LRFN5: variants seen among roughly 807,000 people sequenced by gnomAD.
LRFN5 encodes the protein leucine-rich repeat and fibronectin type-III domain-containing protein 5.
A neutral mutation model predicts 45.6 loss-of-function variants in LRFN5; 24 were observed. The ratio of observed to expected loss-of-function variants is 0.53; its 90% CI spans 0.38 to 0.74. The LOEUF is 0.74. Among genes scored for constraint, LRFN5 ranks in the 30% least tolerant of loss-of-function variants. LRFN5 has a pLI of 0.00. For synonymous variants in LRFN5, 340 were observed against 313.8 expected, an observed-to-expected ratio of 1.08 and a Z score of -0.88; for missense variants, 776 against 861.5, an observed-to-expected ratio of 0.90 and a Z score of 1.24.
intron 2 of LRFN5, among the ~76,000 whole-genome samples, chr14:41,872,696 C>T (rs929597626): frequency 2.0e-5 from 3 of 152,096 alleles, no homozygotes; most frequent in Admixed American, 6.5e-5. Context: ...CAGTTATCTC[C>T]GTGTAAGCAG....
chr14:41,803,061 C>A (rs527904524), intron 2 of LRFN5, among the ~76,000 whole-genome samples: 41 of 152,014 alleles, frequency 2.7e-4, no homozygotes, highest in Non-Finnish European at 4.7e-4. Context: ...TTGACCTATA[C>A]CTCCCAAAAC....
chr14:41,751,628 A>C (rs1885135945), intron 1 of LRFN5, among the ~76,000 whole-genome samples: 1 of 152,124 alleles, frequency 6.6e-6, no homozygotes, highest in Admixed American at 6.5e-5. Flanking sequence ...CTGAGGATGC[A>C]GAGAAGTCAG....
chr14:41,803,526 T>G (rs1031462256), intron 2 of LRFN5, among the ~76,000 whole-genome samples: 2 of 151,812 alleles, frequency 1.3e-5, no homozygotes, highest in African/African-American at 4.8e-5. Context: ...TAGTTTTTTT[T>G]TTTAATTTTG....
chr14:41,830,750 G>C (rs1888450135), intron 2 of LRFN5, among the ~76,000 whole-genome samples: 1 of 152,112 alleles, frequency 6.6e-6, no homozygotes, highest in Admixed American at 6.6e-5. Flanking sequence ...TGATAGAGAT[G>C]TGTGTGAAAG....
intron 1 of LRFN5, among the ~76,000 whole-genome samples, chr14:41,624,023 G>A (rs1594558920): frequency 6.6e-6 from 1 of 152,032 alleles, no homozygotes; most frequent in Non-Finnish European, 1.5e-5. Context: ...AATTACATGT[G>A]CAGAAATAAT....
chr14:41,791,831 C>T (rs949806657), intron 2 of LRFN5, among the ~76,000 whole-genome samples: 1 of 152,040 alleles, frequency 6.6e-6, no homozygotes, highest in African/African-American at 2.4e-5. Flanking sequence ...AAAATTTATG[C>T]TAGATAAGAC....
intron 1 of LRFN5, among the ~76,000 whole-genome samples, chr14:41,713,167 G>T (rs1201787493): frequency 1.3e-5 from 2 of 152,080 alleles, no homozygotes; most frequent in Non-Finnish European, 1.5e-5. Flanking sequence ...GAATGTGCAT[G>T]TGAAAATATT....
chr14:41,871,754 A>T (rs2139119524), intron 2 of LRFN5, among the ~76,000 whole-genome samples: 1 of 152,248 alleles, frequency 6.6e-6, no homozygotes, highest in Admixed American at 6.5e-5. Flanking sequence ...GATTTAAACC[A>T]GAAAGTTACC....
intron 2 of LRFN5, among the ~76,000 whole-genome samples, chr14:41,791,195 A>G (rs942519802): frequency 6.6e-6 from 1 of 151,856 alleles, no homozygotes; most frequent in African/African-American, 2.4e-5. Context: ...TAAAAAAAGT[A>G]TTTTGGAAAA....
chr14:41,698,406 C>T (rs530883842), intron 1 of LRFN5, among the ~76,000 whole-genome samples: 96 of 152,148 alleles, frequency 6.3e-4, no homozygotes, highest in Admixed American at 1.7e-3. Flanking sequence ...GTTTTTTGCA[C>T]ATTGAATTTG....
chr14:41,734,126 A>G (rs1206717332), intron 1 of LRFN5, among the ~76,000 whole-genome samples: 15 of 139,862 alleles, frequency 1.1e-4, no homozygotes, highest in African/African-American at 3.9e-4. Flanking sequence ...CCTGGGTTCA[A>G]GCAATTCTCC....
intron 2 of LRFN5, among the ~76,000 whole-genome samples, chr14:41,775,341 C>A (rs112443866): frequency 0.011 from 1,599 of 152,042 alleles, 27 homozygotes; most frequent in African/African-American, 0.037. Context: ...CGCCCACCTC[C>A]GCCTTCCAAA....
chr14:41,855,108 T>C (rs1889407238), intron 2 of LRFN5, among the ~76,000 whole-genome samples: 1 of 152,110 alleles, frequency 6.6e-6, no homozygotes, highest in Non-Finnish European at 1.5e-5. Flanking sequence ...ATGAGTGGGA[T>C]TTTCATGGGC....
chr14:41,846,636 ATT>A (rs1889078332), intron 2 of LRFN5, among the ~76,000 whole-genome samples: 3 of 152,092 alleles, frequency 2.0e-5, no homozygotes, highest in Admixed American at 2.0e-4. Context: ...TCATGTTTAT[ATT>A]TTCTGCACTT....
intron 1 of LRFN5, among the ~76,000 whole-genome samples, chr14:41,739,231 A>G (rs1566645741): frequency 6.6e-6 from 1 of 152,116 alleles, no homozygotes; most frequent in Non-Finnish European, 1.5e-5. Flanking sequence ...ACAAAAATAC[A>G]AAAATAAGCC....
intron 1 of LRFN5, among the ~76,000 whole-genome samples, chr14:41,710,833 T>C (rs1594636502): frequency 1.3e-5 from 2 of 151,966 alleles, no homozygotes; most frequent in African/African-American, 4.8e-5. Context: ...TGTGTTCTCA[T>C]TGTTCAATTC....
chr14:41,773,804 A>G (rs1886178797), intron 2 of LRFN5, among the ~76,000 whole-genome samples: 1 of 152,222 alleles, frequency 6.6e-6, no homozygotes, highest in Admixed American at 6.5e-5. Flanking sequence ...TGGCTTTCAG[A>G]GACAGGCTTC....
chr14:41,772,477 T>A (rs1159817198), intron 2 of LRFN5, among the ~76,000 whole-genome samples: 1 of 152,204 alleles, frequency 6.6e-6, no homozygotes, highest in Non-Finnish European at 1.5e-5. Flanking sequence ...CTTATCTGGT[T>A]ACATGAATTG....
At chr14:41,876,825 C>T (rs1890205086) in intron 2 of LRFN5, among the ~76,000 whole-genome samples, 1 of 152,112 alleles carries the variant, frequency 6.6e-6, no homozygotes, top group South Asian at 2.1e-4. Context: ...CATCCTCAAA[C>T]TTTGGCTAAA....
Sources: gnomAD v4.1 joint callset for allele counts (sites outside exome capture counted in the v4.1 genomes callset) on GRCh38, gnomAD v4.1.1 for gene constraint, MANE v1.5 for transcripts, NCBI Gene and HGNC (gene_info 2026-07-23, HGNC 2026-07-21) for gene names.